GPM6A: variants seen among roughly 807,000 people sequenced by gnomAD.
The protein encoded by GPM6A is glycoprotein M6A.
GPM6A carries 7 observed loss-of-function variants against 32.1 expected under a neutral mutation model. The observed-to-expected ratio is 0.22, with a 90% CI of 0.12 to 0.41. GPM6A has a LOEUF of 0.41. GPM6A is among the 10% of genes least tolerant of loss of function. The pLI is 1.00. For missense variants in GPM6A, 235 were observed against 347.2 expected, an observed-to-expected ratio of 0.68 and a Z score of 2.57; for synonymous variants, 130 against 123.4, an observed-to-expected ratio of 1.05 and a Z score of -0.35.
At chr4:175,968,049 C>T (rs1054023865) in intron 1 of GPM6A, among the ~76,000 whole-genome samples, 3 of 151,886 alleles carry the variant, frequency 2.0e-5, no homozygotes, top group Non-Finnish European at 4.4e-5. Flanking sequence ...ATCAAAACAG[C>T]GTAATACTGG....
chr4:175,678,819 CAT>C (rs769543147), intron 2 of GPM6A, among the ~76,000 whole-genome samples: 31 of 152,164 alleles, frequency 2.0e-4, no homozygotes, highest in African/African-American at 6.7e-4. Context: ...GTTTTCTAAA[CAT>C]ATTTTAATTT....
At chr4:175,718,275 A>G (rs1010550872) in intron 1 of GPM6A, among the ~76,000 whole-genome samples, 1 of 152,236 alleles carries the variant, frequency 6.6e-6, no homozygotes, top group Non-Finnish European at 1.5e-5. Context: ...TACTTTAAAA[A>G]CAATAAAAGA....
intron 2 of GPM6A, among the ~76,000 whole-genome samples, chr4:175,684,258 T>A (rs184328959): frequency 6.6e-6 from 1 of 152,374 alleles, no homozygotes; most frequent in East Asian, 1.9e-4. Context: ...CTTTTGGCTT[T>A]GCTTATGGCA....
chr4:175,695,745 T>C (rs1251637941), intron 2 of GPM6A, among the ~76,000 whole-genome samples: 1 of 152,130 alleles, frequency 6.6e-6, no homozygotes. Context: ...TGGGGGAACT[T>C]AGGGGAAACA....
intron 1 of GPM6A, among the ~76,000 whole-genome samples, chr4:175,852,722 A>G (rs1359316218): frequency 6.6e-6 from 1 of 152,196 alleles, no homozygotes; most frequent in Admixed American, 6.5e-5. Flanking sequence ...TCCTTTGTTT[A>G]ATACTCTGCT....
At chr4:175,838,778 C>T (rs1204761166) in intron 1 of GPM6A, among the ~76,000 whole-genome samples, 1 of 150,706 alleles carries the variant, frequency 6.6e-6, no homozygotes, top group East Asian at 2.0e-4. Context: ...CTCAGCCTCC[C>T]AAGTACCTGG....
At chr4:175,826,780 G>A (rs775336337) in intron 1 of GPM6A, among the ~76,000 whole-genome samples, 3 of 151,890 alleles carry the variant, frequency 2.0e-5, no homozygotes, top group Non-Finnish European at 4.4e-5. Context: ...TGTATACCAA[G>A]TCAGGCAGCA....
intron 1 of GPM6A, among the ~76,000 whole-genome samples, chr4:175,976,224 C>A (rs2126433011): frequency 6.7e-6 from 1 of 150,350 alleles, no homozygotes; most frequent in African/African-American, 2.4e-5. Context: ...CAGCTGCAAG[C>A]TGCACTCGGC....
intron 2 of GPM6A, among the ~76,000 whole-genome samples, chr4:175,689,818 G>A (rs17061779): frequency 0.047 from 7,177 of 151,836 alleles, 202 homozygotes; most frequent in Non-Finnish European, 0.063. Context: ...CTCAGAAGCC[G>A]CCAGGTATCT....
At chr4:175,843,948 G>T (rs899698119) in intron 1 of GPM6A, among the ~76,000 whole-genome samples, 2 of 152,088 alleles carry the variant, frequency 1.3e-5, no homozygotes, top group African/African-American at 2.4e-5. Context: ...TCAGTCCGGA[G>T]AGAATCCACC....
chr4:175,932,836 TTGA>T (rs1739095820), intron 1 of GPM6A, among the ~76,000 whole-genome samples: 1 of 151,840 alleles, frequency 6.6e-6, no homozygotes, highest in South Asian at 2.1e-4. Flanking sequence ...TAAAATATGG[TTGA>T]TAAGAAAATA....
At chr4:175,915,511 G>T (rs1738464503) in intron 1 of GPM6A, among the ~76,000 whole-genome samples, 1 of 151,966 alleles carries the variant, frequency 6.6e-6, no homozygotes, top group Admixed American at 6.6e-5. Context: ...TCATCATCTT[G>T]GCCAAGCTGG....
chr4:175,803,823 A>G (rs1734573419), intron 1 of GPM6A, among the ~76,000 whole-genome samples: 1 of 152,172 alleles, frequency 6.6e-6, no homozygotes, highest in Admixed American at 6.5e-5. Context: ...AAATTCATGG[A>G]GACAATCTGA....
At chr4:175,869,781 C>A (rs116645346) in intron 1 of GPM6A, among the ~76,000 whole-genome samples, 4,343 of 66,470 alleles carry the variant, frequency 0.065, 162 homozygotes, top group African/African-American at 0.22. Flanking sequence ...CAAAAACAAA[C>A]AAAAAAAAAT....
intron 1 of GPM6A, among the ~76,000 whole-genome samples, chr4:175,738,650 GA>G (rs1200217747): frequency 1.1e-4 from 17 of 151,594 alleles, no homozygotes; most frequent in Admixed American, 3.9e-4. Flanking sequence ...ATTTAAGGAT[GA>G]AAAAAAATTT....
Position 175,725,701 on chromosome 4 carries a change from C to T in GPM6A, c.38-23934G>A, listed in dbSNP as rs193029547. 4.1e-4 allele frequency among the ~76,000 whole-genome samples: 62 copies of T among 152,168 alleles called. 1 individual carries two copies. The East Asian group carries it at 0.011, about 26-fold the overall frequency. On this transcript the variant is annotated intron_variant, in intron 1 of 6. Transcript: ENST00000393658. ...GCCTGTATTTCCAAAACAATAAAAACGGTATCAATGAGTACAGTATAAATA... is the reference window on the plus strand; with the variant it reads ...GCCTGTATTTCCAAAACAATAAAAATGGTATCAATGAGTACAGTATAAATA...
At chr4:175,719,176 A>G (rs1472603188) in intron 1 of GPM6A, among the ~76,000 whole-genome samples, 2 of 151,088 alleles carry the variant, frequency 1.3e-5, no homozygotes, top group African/African-American at 4.9e-5. Context: ...TAGTTACTAC[A>G]ACATACCGAA....
In GPM6A at chr4:175,828,484, T is replaced by C. The variant is rs564627643; in HGVS notation, c.-22-16235A>G. ...ATCTTGCTGTGTTGTTTGAAGACAA[T>C]TGTTATTCTTTACAGAGTGATTCTG... is the stretch of plus-strand genomic sequence containing the variant. On this transcript the variant is annotated intron_variant, in intron 1 of 7. Transcript: ENST00000280187. 5.3e-5 allele frequency among the ~76,000 whole-genome samples: 8 copies of C among 152,348 alleles called. No individual in the cohort carries two copies. The South Asian group carries it at 1.2e-3, about 24-fold the overall frequency.
At chr4:175,711,423 T>TATATATATATATATATATATATATATAC (rs1745525435) in intron 1 of GPM6A, among the ~76,000 whole-genome samples, 2 of 38,930 alleles carry the variant, frequency 5.1e-5, no homozygotes, top group Non-Finnish European at 1.2e-4. Context: ...TATATATATA[T>TATATATATATATATATATATATATATAC]ATATATATAT....
Sources: gnomAD v4.1 joint callset for allele counts (sites outside exome capture counted in the v4.1 genomes callset) on GRCh38, gnomAD v4.1.1 for gene constraint, MANE v1.5 for transcripts, NCBI Gene and HGNC (gene_info 2026-07-23, HGNC 2026-07-21) for gene names.